Variants in GEMIN8 observed in about 807,000 individuals in gnomAD.
GEMIN8 encodes gem nuclear organelle associated protein 8.
For synonymous variants in GEMIN8, 80 were observed against 78.5 expected (o/e 1.02, Z -0.10); for missense variants, 185 against 205.9 (o/e 0.90, Z 0.62).
chrX:13,991,683 T>C, the GEMIN8 span, among the ~76,000 whole-genome samples: 18 of 109,976 alleles, frequency 1.6e-4, no homozygotes, highest in African/African-American at 5.6e-4. Context: ...GTGGGGACTA[T>C]AGCTAAGAGG....
At chrX:14,005,950 C>T (rs1478721257), downstream of GEMIN8, among the ~76,000 whole-genome samples, 1 of 110,923 alleles carries the variant, frequency 9.0e-6, no homozygotes, top group Non-Finnish European at 1.9e-5. Context: ...ATGTTCCCCT[C>T]GGTGGCAAAG....
chrX:14,018,471 T>C lies in GEMIN8; in HGVS notation c.472+1607A>G, dbSNP rs1312972512. Among the ~76,000 whole-genome samples the C allele has an allele frequency of 3.5e-4, 39 of 111,934 alleles. No homozygotes were observed. The Admixed American group carries it at 3.7e-3, about 11-fold the overall frequency. ...ATCAACCTCTAGTGGGCAAAACATG[T>C]TATTCTACTTTCTGGTAAGGACAAG... On this transcript the variant is annotated intron_variant, in intron 4 of 4. Transcript: ENST00000680255.
chrX:14,004,819 T>A (rs1923088029), downstream of GEMIN8, among the ~76,000 whole-genome samples: 1 of 111,732 alleles, frequency 8.9e-6, no homozygotes, highest in Non-Finnish European at 1.9e-5. Context: ...CGCCTTGGCC[T>A]CCCAAAGTGC....
chrX:14,005,611 T>C (rs1488012212), downstream of GEMIN8, among the ~76,000 whole-genome samples: 1 of 104,470 alleles, frequency 9.6e-6, no homozygotes, highest in Non-Finnish European at 2.0e-5. Context: ...AGGAAATTAA[T>C]TGAACCCAAA....
chrX:14,001,434 T>A, the GEMIN8 span, among the ~76,000 whole-genome samples: 1 of 112,516 alleles, frequency 8.9e-6, no homozygotes, highest in Non-Finnish European at 1.9e-5. Flanking sequence ...AGTGTTTTAA[T>A]AATCAATTTG....
intron 2 of GEMIN8, among the ~76,000 whole-genome samples, chrX:14,024,516 C>CAAAAACA (rs1402013916): frequency 5.0e-5 from 5 of 100,488 alleles, no homozygotes; most frequent in African/African-American, 1.8e-4. Flanking sequence ...AAAACAAAAA[C>CAAAAACA]AAAAAAAAAA....
intron 4 of GEMIN8, among the ~76,000 whole-genome samples, chrX:14,010,325 A>G (rs1372802565): frequency 2.7e-5 from 3 of 112,294 alleles, no homozygotes. Flanking sequence ...ACAATGCTGC[A>G]TAAGGTTAAA....
At position 14,008,637 on chromosome X, in the gene GEMIN8, A is replaced by G; in HGVS notation, c.*276T>C. On this transcript the variant is annotated 3_prime_UTR_variant, in exon 5 of 5. Coordinates refer to ENST00000680255, the MANE Select transcript of GEMIN8 (RefSeq NM_001042479.2). Reference sequence around the variant, plus strand: ...TATCTCTAGGCAAGAACGTTAATGAATTGAACTGTTACCAACAACATAAAA... The same window carrying G: ...TATCTCTAGGCAAGAACGTTAATGAGTTGAACTGTTACCAACAACATAAAA... The G allele has an allele frequency of 2.9e-6, 1 of 347,272 alleles. No individual in the cohort carries two copies. Among genetic ancestry groups the G allele is most frequent in the Non-Finnish European group, 5.0e-6 (1 of 201,296 alleles). 28.6% of individuals were successfully genotyped at this position (347,272 alleles called of 1,213,427 possible). A position where few individuals can be genotyped will look rare whatever the true frequency, so the allele number is the denominator to read the frequency against.
intron 2 of GEMIN8, among the ~76,000 whole-genome samples, chrX:14,024,901 C>T (rs1306245928): frequency 9.0e-6 from 1 of 111,684 alleles, no homozygotes; most frequent in Non-Finnish European, 1.9e-5. Flanking sequence ...CAGTTTTGAC[C>T]ACTGGGACAT....
Position 14,020,487 on chromosome X carries a change from A to G in GEMIN8, c.63T>C (p.Tyr21=). 8.3e-7 allele frequency: 1 copy of G among 1,205,557 alleles called. No homozygotes were observed. The highest frequency in any genetic ancestry group is 1.1e-6 in the Non-Finnish European group (1 of 889,807). The part of the protein sequence containing the change: ...ATRPWYSHPV[Y]ARYWQHYHQA... ...GATGATAATGTTGCCAGTATCTTGC[A>G]TATACCGGATGAGAATACCAAGGCC... Residue 21 remains tyrosine (Y), a synonymous_variant, in exon 4 of 5, where the codon TAT becomes TAC. Coordinates refer to ENST00000680255, the MANE Select transcript of GEMIN8 (RefSeq NM_001042479.2).
chrX:14,021,386 A>C, intron 3 of GEMIN8, 78 bp downstream of exon 3: 1 of 593,908 alleles, frequency 1.7e-6, no homozygotes, highest in Non-Finnish European at 2.8e-6. Flanking sequence ...CCTAAAACTT[A>C]AAGTATAAAA....
downstream of GEMIN8, among the ~76,000 whole-genome samples, chrX:14,002,052 C>T (rs1434561468): frequency 2.3e-5 from 2 of 86,507 alleles, no homozygotes; most frequent in East Asian, 7.2e-4. Flanking sequence ...ACCCAGGAGG[C>T]GAAGGTTGCA....
intron 2 of GEMIN8, 115 bp from the exon 3 acceptor site, chrX:14,021,626 C>T (rs1249865730): frequency 6.1e-6 from 3 of 495,488 alleles, no homozygotes; most frequent in Non-Finnish European, 1.0e-5. Flanking sequence ...CAGGACCATG[C>T]CTGATTTCAT....
chrX:14,010,992 G>A (rs144176414), intron 4 of GEMIN8, among the ~76,000 whole-genome samples: 1,319 of 112,229 alleles, frequency 0.012, 22 homozygotes, highest in African/African-American at 0.04. Flanking sequence ...GTGTTGGAGT[G>A]GCGTGGGAGT....
intron 4 of GEMIN8, among the ~76,000 whole-genome samples, chrX:14,015,518 A>C (rs1164340142): frequency 8.9e-6 from 1 of 112,186 alleles, no homozygotes; most frequent in East Asian, 2.8e-4. Flanking sequence ...GAAATATGTT[A>C]AAGTAGAGAC....
downstream of GEMIN8, among the ~76,000 whole-genome samples, chrX:14,002,735 C>T (rs905119626): frequency 6.3e-5 from 7 of 111,506 alleles, no homozygotes; most frequent in African/African-American, 2.3e-4. Flanking sequence ...CTCCTGACCT[C>T]AGGTGATCCA....
rs1165352173 is a variant in GEMIN8, at chrX:14,028,682, C to T, written c.-116+1095G>A. 8.9e-5 allele frequency among the ~76,000 whole-genome samples: 10 copies of T among 111,821 alleles called. No individual in the cohort carries two copies. The East Asian group carries it at 2.5e-3, about 28-fold the overall frequency. On this transcript the variant is annotated intron_variant, in intron 1 of 4. Transcript: ENST00000680255. ...ACAGTTTCAGAATGAACATTTCTCT[C>T]TGGAACTTTAGTTTGTATACTTCCC...
At chrX:14,011,369 C>G (rs1019206615) in intron 4 of GEMIN8, among the ~76,000 whole-genome samples, 1 of 110,838 alleles carries the variant, frequency 9.0e-6, no homozygotes, top group Non-Finnish European at 1.9e-5. Context: ...TGGCACTGCC[C>G]AGGCTTTCCA....
chrX:14,000,458 G>A, the GEMIN8 span, among the ~76,000 whole-genome samples: 1 of 110,284 alleles, frequency 9.1e-6, no homozygotes, highest in Non-Finnish European at 1.9e-5. Context: ...TTAGCCAGGC[G>A]TGGTGGCGGG....
Sources: allele counts gnomAD v4.1 joint callset (sites outside exome capture counted in the v4.1 genomes callset), GRCh38; gene constraint gnomAD v4.1.1; transcripts MANE v1.5; gene names NCBI Gene and HGNC (gene_info 2026-07-23, HGNC 2026-07-21).